SNAPC3: variants seen among roughly 807,000 people sequenced by gnomAD.
The protein encoded by SNAPC3 is small nuclear RNA activating complex polypeptide 3, also known as snRNA-activating protein complex subunit 3.
Under a neutral mutation model 47.7 loss-of-function variants are expected in SNAPC3, and 56 were observed. The observed-to-expected ratio is 1.18, with a 90% confidence interval of 0.95 to 1.47. The LOEUF (loss-of-function observed/expected upper bound fraction) is 1.47. Among genes scored for constraint, SNAPC3 ranks in the 40% most tolerant of loss-of-function variants. The pLI is 0.00. For missense variants in SNAPC3, 665 were observed against 511.3 expected (o/e 1.30, Z -2.90); for synonymous variants, 235 against 189.9 (o/e 1.24, Z -1.95).
chr9:15,435,142 G>T (rs138209177), intron 3 of SNAPC3, among the ~76,000 whole-genome samples: 8 of 151,942 alleles, frequency 5.3e-5, no homozygotes, highest in Non-Finnish European at 1.2e-4. Flanking sequence ...TTGTGGTTTC[G>T]ATTTGCATTT....
intron 6 of SNAPC3, among the ~76,000 whole-genome samples, chr9:15,451,827 C>A (rs2034408155): frequency 6.6e-6 from 1 of 151,986 alleles, no homozygotes; most frequent in Non-Finnish European, 1.5e-5. Context: ...CTATTGTTTG[C>A]CCTAGGTGAT....
chr9:15,425,755 C>A (rs2031295405), intron 2 of SNAPC3, among the ~76,000 whole-genome samples: 1 of 152,232 alleles, frequency 6.6e-6, no homozygotes, highest in East Asian at 1.9e-4. Flanking sequence ...CTAAAATGCA[C>A]ATCTGATTGT....
intron 3 of SNAPC3, among the ~76,000 whole-genome samples, chr9:15,438,468 T>A (rs542412324): frequency 6.6e-6 from 1 of 152,234 alleles, no homozygotes; most frequent in South Asian, 2.1e-4. Flanking sequence ...TTTTCACTTA[T>A]CTCCACTCAT....
At chr9:15,444,541 C>G in intron 3 of SNAPC3, 61 bp from the exon 4 acceptor site, 1 of 1,066,982 alleles carries the variant, frequency 9.4e-7, no homozygotes. Flanking sequence ...AGCCATTGTA[C>G]CACACTGCAT....
chr9:15,446,392 A>G (rs1395801602), intron 4 of SNAPC3, among the ~76,000 whole-genome samples: 1 of 152,144 alleles, frequency 6.6e-6, no homozygotes, highest in Non-Finnish European at 1.5e-5. Flanking sequence ...TTTTTTGTAG[A>G]GATGGGGTTT....
At position 15,435,599 on chromosome 9, in the gene SNAPC3, C is replaced by G. The variant is rs1325701891; in HGVS notation, c.477+1963C>G. Among the ~76,000 whole-genome samples, 7 of 150,608 alleles carry G rather than the reference C, an allele frequency of 4.6e-5. 1 individual carries two copies. Among genetic ancestry groups the G allele is most frequent in the Admixed American group, 4.6e-4 (7 of 15,086 alleles). Reference sequence around the variant, plus strand: ...AAAAAAAATTAGCCGGGCGTGGTGGCAGGCGCCTGTAATCCCAGCTACTCT... The same window carrying G: ...AAAAAAAATTAGCCGGGCGTGGTGGGAGGCGCCTGTAATCCCAGCTACTCT... On this transcript the variant is annotated intron_variant, in intron 3 of 8. Coordinates refer to ENST00000380821, the MANE Select transcript of SNAPC3 (RefSeq NM_001039697.2).
At chr9:15,431,541 CTGTTT>C (rs2032148216) in intron 2 of SNAPC3, among the ~76,000 whole-genome samples, 2 of 150,904 alleles carry the variant, frequency 1.3e-5, no homozygotes, top group Non-Finnish European at 2.9e-5. Flanking sequence ...ACACAAATAT[CTGTTT>C]ATTTGAACAA....
intron 2 of SNAPC3, 134 bp from the exon 3 acceptor site, chr9:15,433,418 G>T: frequency 1.5e-6 from 1 of 668,266 alleles, no homozygotes; most frequent in South Asian, 1.7e-5. Context: ...ACAAGAGATA[G>T]AAGGGAACTT....
intron 3 of SNAPC3, 134 bp from the exon 4 acceptor site, chr9:15,444,468 C>G (rs903912497): frequency 3.4e-6 from 2 of 590,650 alleles, no homozygotes; most frequent in Admixed American, 6.1e-5. Flanking sequence ...GATGTCTTAA[C>G]AGTTTTCCCA....
rs1308321903 is a variant in SNAPC3, at chr9:15,447,172, A to T, written c.660A>T (p.Arg220=). 6.2e-7 allele frequency: 1 copy of T among 1,613,930 alleles called. No homozygotes were observed. Among genetic ancestry groups the T allele is most frequent in the Non-Finnish European group, 8.5e-7 (1 of 1,179,790 alleles). ...TCACACAACTGAGGGATTCAATTCG[A>T]TGTGTCAGTGACCTCCAGATTGGTG... ...QKLTQLRDSI[R]CVSDLQIGGE... Residue 220 remains arginine (R), a synonymous_variant, in exon 5 of 9, where the codon CGA becomes CGT. Coordinates refer to ENST00000380821, the MANE Select transcript of SNAPC3 (RefSeq NM_001039697.2).
rs112768462 is a variant in SNAPC3 at position 15,452,322 on chromosome 9, A to AAT, written c.816-719_816-718insAT. Among the ~76,000 whole-genome samples, 17 of 140,534 alleles carry AAT rather than the reference A, an allele frequency of 1.2e-4. No individual in the cohort carries two copies. In the East Asian group the frequency reaches 3.4e-3, roughly 28 times the overall value. The allele number at this position is 140,534 out of a possible 152,430, so 92.2% of individuals were successfully genotyped here. On this transcript the variant is annotated intron_variant, in intron 6 of 8. Transcript: ENST00000380821. Reference sequence around the variant, plus strand: ...ACAGTTCAAACCTATTGGTTTCAGCATTTTTTTTTTTTTTTGAGACAGTTT... The same window carrying AAT: ...ACAGTTCAAACCTATTGGTTTCAGCAATTTTTTTTTTTTTTTTGAGACAGTTT...
intron 7 of SNAPC3, among the ~76,000 whole-genome samples, chr9:15,455,281 C>G (rs1310677754): frequency 6.6e-6 from 1 of 151,898 alleles, no homozygotes; most frequent in Non-Finnish European, 1.5e-5. Flanking sequence ...AATTTTATAT[C>G]AGCAGCCTGG....
chr9:15,461,944 T>G (rs1338696562), downstream of SNAPC3: 1 of 152,224 alleles, frequency 6.6e-6, no homozygotes, highest in African/African-American at 2.4e-5. Context: ...GATTGATAAC[T>G]GCCAGCAAAC....
intron 4 of SNAPC3, among the ~76,000 whole-genome samples, chr9:15,445,813 G>A (rs2033884488): frequency 6.6e-6 from 1 of 152,118 alleles, no homozygotes; most frequent in African/African-American, 2.4e-5. Context: ...GCTAGGTGTG[G>A]TGGTGTGTGC....
chr9:15,433,579 G>C lies in SNAPC3; in HGVS notation c.420G>C (p.Arg140=), dbSNP rs2032438282. 3 of 1,607,354 alleles carry C rather than the reference G, an allele frequency of 1.9e-6. No homozygotes were observed. Among genetic ancestry groups the C allele is most frequent in the Non-Finnish European group, 2.6e-6 (3 of 1,176,454 alleles). The change falls in exon 3 of 9, where the codon CGG becomes CGC. Residue 140 remains arginine, a synonymous_variant. Coordinates refer to ENST00000380821, the MANE Select transcript of SNAPC3 (RefSeq NM_001039697.2). ...LGVRKRFLEH[R]EETITIDRAC... is the part of the protein sequence containing the mutation. ...TTAGAAAAAGGTTCTTGGAACATCG[G>C]GAAGAAACCATTACAATAGATCGAG...
At chr9:15,425,091 T>A (rs2031181056) in intron 2 of SNAPC3, among the ~76,000 whole-genome samples, 1 of 152,218 alleles carries the variant, frequency 6.6e-6, no homozygotes. Flanking sequence ...TAGCTAGACA[T>A]TTGAAGCCTT....
At chr9:15,461,783 G>T (rs1301976887), downstream of SNAPC3, 1 of 152,134 alleles carries the variant, frequency 6.6e-6, no homozygotes, top group East Asian at 1.9e-4. Context: ...CATTGGCTTG[G>T]AGATGACAAG....
rs760652204 is a variant in SNAPC3, at chr9:15,423,101, C to T, written c.222C>T (p.Ser74=). The change falls in exon 1 of 9, where the codon AGC becomes AGT. Residue 74 remains serine, a synonymous_variant. Coordinates refer to ENST00000380821, the MANE Select transcript of SNAPC3 (RefSeq NM_001039697.2). ...REPPASALPG[S]QAADSDREDA... ...CGCCGGCATCCGCTCTGCCTGGGAG[C>T]CAGGCAGCTGACTCCGACCGGGAGG... The T allele has an allele frequency of 5.2e-6, 8 of 1,546,804 alleles. No homozygotes were observed. In the South Asian group the frequency reaches 6.0e-5, roughly 12 times the overall value.
rs1312305708 is a variant in SNAPC3 at position 15,434,363 on chromosome 9, A to G, written c.477+727A>G. ...CTTTCTCTATGAATTTGTCTATTCT[A>G]GATATCTCATGTAAGTGGAATGCTT... On this transcript the variant is annotated intron_variant, in intron 3 of 8. Coordinates refer to ENST00000380821, the MANE Select transcript of SNAPC3 (RefSeq NM_001039697.2). Among the ~76,000 whole-genome samples the G allele has an allele frequency of 1.3e-5, 2 of 150,690 alleles. 1 individual carries two copies. The highest frequency in any genetic ancestry group is 1.3e-4 in the Admixed American group (2 of 15,126).
Sources: allele counts gnomAD v4.1 joint callset (sites outside exome capture counted in the v4.1 genomes callset), GRCh38; gene constraint gnomAD v4.1.1; transcripts MANE v1.5; gene names NCBI Gene and HGNC (gene_info 2026-07-23, HGNC 2026-07-21).